The following FAF1 variants were observed in gnomAD, a reference collection of about 807,000 sequenced individuals.
FAF1 encodes the protein Fas associated factor 1, also known as FAS-associated factor 1.
In FAF1, 25 loss-of-function variants were observed where a neutral mutation model predicts 92.5. That is an observed-to-expected ratio of 0.27 (90% CI 0.20 to 0.38). FAF1 has a LOEUF of 0.38. Among genes scored for constraint, FAF1 ranks in the 10% least tolerant of loss-of-function variants. The pLI is 1.00. For synonymous variants in FAF1, 234 were observed against 273.2 expected (o/e 0.86, Z 1.42); for missense variants, 636 against 793.3 (o/e 0.80, Z 2.38).
Position 50,438,273 on chromosome 1 carries a change from A to G in FAF1, c.*3167T>C, listed in dbSNP as rs921971448. 6 of 152,172 alleles carry G rather than the reference A, an allele frequency of 3.9e-5. No homozygotes were observed. The highest frequency in any genetic ancestry group is 8.8e-5 in the Non-Finnish European group (6 of 68,046). The allele number at this position is 152,172 out of a possible 1,614,324, so 9.4% of individuals were successfully genotyped here. A position where few individuals can be genotyped will look rare whatever the true frequency, so the allele number is the denominator to read the frequency against. ...AGTGCTATCAGAATGTTGTAAGGACACTGAGGTTCAGAGAGGTTACTTACC... is the reference window on the plus strand; with the variant it reads ...AGTGCTATCAGAATGTTGTAAGGACGCTGAGGTTCAGAGAGGTTACTTACC... On this transcript the variant is annotated 3_prime_UTR_variant, in exon 19 of 19. Transcript: ENST00000396153.
chr1:50,895,862 A>AAAG (rs1360239123), intron 1 of FAF1, among the ~76,000 whole-genome samples: 1 of 152,194 alleles, frequency 6.6e-6, no homozygotes, highest in East Asian at 1.9e-4. Context: ...TTTTAAAAAA[A>AAAG]AAGCCTCAAC....
chr1:50,948,458 A>G (rs1365881623), intron 1 of FAF1, among the ~76,000 whole-genome samples: 2 of 152,146 alleles, frequency 1.3e-5, no homozygotes, highest in African/African-American at 4.8e-5. Context: ...CCAGACTATC[A>G]CATGGCAAGA....
chr1:50,847,054 G>A (rs1644307618), intron 2 of FAF1, among the ~76,000 whole-genome samples: 1 of 152,178 alleles, frequency 6.6e-6, no homozygotes, highest in Admixed American at 6.5e-5. Flanking sequence ...TGTGATACAA[G>A]CGGATCATTC....
intron 1 of FAF1, among the ~76,000 whole-genome samples, chr1:50,944,348 C>T (rs1359546446): frequency 1.3e-5 from 2 of 152,086 alleles, no homozygotes; most frequent in Non-Finnish European, 2.9e-5. Flanking sequence ...ATGAGGAAGG[C>T]TTCAAGGGCG....
At chr1:50,549,403 G>A (rs773484185) in intron 13 of FAF1, among the ~76,000 whole-genome samples, 1 of 152,006 alleles carries the variant, frequency 6.6e-6, no homozygotes, top group Non-Finnish European at 1.5e-5. Flanking sequence ...TGAACTCCTG[G>A]GCTCAAGCGA....
At chr1:50,749,893 C>T (rs904204366) in intron 4 of FAF1, among the ~76,000 whole-genome samples, 2 of 151,890 alleles carry the variant, frequency 1.3e-5, no homozygotes, top group African/African-American at 4.8e-5. Context: ...TATTAAGTGA[C>T]ATAATTCACG....
intron 2 of FAF1, among the ~76,000 whole-genome samples, chr1:50,818,369 G>A (rs1236495688): frequency 6.6e-6 from 1 of 152,074 alleles, no homozygotes; most frequent in African/African-American, 2.4e-5. Flanking sequence ...CTCATATAAA[G>A]TTAAGCTGTA....
intron 9 of FAF1, among the ~76,000 whole-genome samples, chr1:50,590,619 C>T (rs1651456598): frequency 1.3e-5 from 2 of 152,022 alleles, no homozygotes; most frequent in African/African-American, 4.8e-5. Flanking sequence ...CCTTTTATTT[C>T]TTTTTCTTTT....
rs1004010174 is a variant in FAF1 at position 50,437,566 on chromosome 1, T to TA, written c.*3873_*3874insT. On this transcript the variant is annotated 3_prime_UTR_variant, in exon 19 of 19. Coordinates refer to ENST00000396153, the MANE Select transcript of FAF1 (RefSeq NM_007051.3). ...TGCCTGGCTAATGAAAAGTTTTATT[T>TA]TTTATTTATTTATTTTTTTAGAGAC... 4 of 152,032 alleles carry TA rather than the reference T, an allele frequency of 2.6e-5. No individual in the cohort carries two copies. The allele number at this position is 152,032 out of a possible 1,614,324, so 9.4% of individuals were successfully genotyped here. A position where few individuals can be genotyped will look rare whatever the true frequency, so the allele number is the denominator to read the frequency against.
Position 50,583,520 on chromosome 1 carries a change from T to C in FAF1, c.1031+132A>G. On this transcript the variant is annotated intron_variant, in intron 11 of 18. Transcript: ENST00000396153. The surrounding 1 kb of genome is among the most constrained non-coding windows in gnomAD (Gnocchi z 4.2). Reference sequence around the variant, plus strand: ...TTTATGTGTTTCACTATTAGGACTATATAAATTAACAAGTATATCCTTTGA... The same window carrying C: ...TTTATGTGTTTCACTATTAGGACTACATAAATTAACAAGTATATCCTTTGA... 6.1e-6 allele frequency: 3 copies of C among 489,080 alleles called. No homozygotes were observed. Among genetic ancestry groups the C allele is most frequent in the East Asian group, 6.3e-5 (2 of 31,572 alleles). The allele number at this position is 489,080 out of a possible 1,614,324, so 30.3% of individuals were successfully genotyped here.
chr1:50,736,008 G>A (rs1422940401), intron 6 of FAF1, among the ~76,000 whole-genome samples: 4 of 151,988 alleles, frequency 2.6e-5, no homozygotes, highest in Admixed American at 6.6e-5. Context: ...CATAAGCTAC[G>A]GTGCCCGGCC....
At chr1:50,871,228 T>A (rs368566999) in intron 1 of FAF1, among the ~76,000 whole-genome samples, 2 of 152,328 alleles carry the variant, frequency 1.3e-5, no homozygotes, top group Admixed American at 1.3e-4. Context: ...AAGGAAGTCA[T>A]CTCCATAACA....
chr1:50,874,729 T>A (rs59128535), intron 1 of FAF1, among the ~76,000 whole-genome samples: 17,190 of 147,374 alleles, frequency 0.12, 1,201 homozygotes, highest in African/African-American at 0.2. Flanking sequence ...TAAGTCTCCA[T>A]CCCTTCTCCA....
chr1:50,598,951 C>G (rs920788267), intron 8 of FAF1, among the ~76,000 whole-genome samples: 1 of 151,594 alleles, frequency 6.6e-6, no homozygotes, highest in Non-Finnish European at 1.5e-5. Flanking sequence ...ACCTGGACAA[C>G]AAGAGTGAAA....
intron 1 of FAF1, among the ~76,000 whole-genome samples, chr1:50,894,888 C>A (rs1204483845): frequency 6.6e-6 from 1 of 151,978 alleles, no homozygotes; most frequent in Non-Finnish European, 1.5e-5. Flanking sequence ...AGGGAAGTAC[C>A]AAATATCAAG....
chr1:50,567,051 T>C (rs377319109), intron 13 of FAF1, 26 bp downstream of exon 13: 49 of 1,497,644 alleles, frequency 3.3e-5, no homozygotes, highest in Non-Finnish European at 3.8e-5. Context: ...GAAGCCCAAC[T>C]TGTAACTTGT....
chr1:50,801,554 A>C, intron 3 of FAF1, 77 bp downstream of exon 3: 1 of 799,484 alleles, frequency 1.3e-6, no homozygotes, highest in South Asian at 1.6e-5. Context: ...ATTAAAAAAT[A>C]AAACAAAAAA....
At chr1:50,679,854 C>T (rs903906630) in intron 7 of FAF1, among the ~76,000 whole-genome samples, 30 of 152,152 alleles carry the variant, frequency 2.0e-4, no homozygotes, top group Admixed American at 1.3e-4. Context: ...CAGTCTAAAC[C>T]GCACATCTCG....
chr1:50,644,409 C>T (rs777370560), intron 8 of FAF1, among the ~76,000 whole-genome samples: 8 of 152,188 alleles, frequency 5.3e-5, no homozygotes, highest in Non-Finnish European at 8.8e-5. Flanking sequence ...TTTTTCCTAA[C>T]AATTTCTCTT....
Sources: gnomAD v4.1 joint callset for allele counts (sites outside exome capture counted in the v4.1 genomes callset) on GRCh38, gnomAD v4.1.1 for gene constraint, Gnocchi (gnomAD v3.1) non-coding constraint, MANE v1.5 for transcripts, NCBI Gene and HGNC (gene_info 2026-07-23, HGNC 2026-07-21) for gene names.